The following MCPH1 variants were observed in gnomAD, a reference collection of about 807,000 sequenced individuals.
The protein encoded by MCPH1 is microcephalin.
Under a neutral mutation model 84.5 loss-of-function variants are expected in MCPH1, and 104 were observed. The ratio of observed to expected loss-of-function variants is 1.23; its 90% CI spans 1.05 to 1.45. The LOEUF (loss-of-function observed/expected upper bound fraction) is 1.45, where lower values mean the gene tolerates loss of function less well. Among genes scored for constraint, MCPH1 ranks in the 40% most tolerant of loss-of-function variants. MCPH1 has a pLI of 0.00. For missense variants in MCPH1, 1,498 were observed against 1,005.7 expected (o/e 1.49, Z -6.62); for synonymous variants, 514 against 366.8 (o/e 1.40, Z -4.58).
At chr8:6,467,269 C>A (rs1162366890) in intron 9 of MCPH1, among the ~76,000 whole-genome samples, 3 of 152,118 alleles carry the variant, frequency 2.0e-5, no homozygotes, top group African/African-American at 7.2e-5. Flanking sequence ...TGGTATGAAG[C>A]GCTTCTTATT....
chr8:6,523,029 G>A (rs190512970), intron 12 of MCPH1, among the ~76,000 whole-genome samples: 15 of 150,894 alleles, frequency 9.9e-5, no homozygotes, highest in South Asian at 2.1e-4. Context: ...ATGGAGTCTC[G>A]CTCTGTCACC....
intron 12 of MCPH1, among the ~76,000 whole-genome samples, chr8:6,539,699 G>A (rs1023510054): frequency 6.6e-6 from 1 of 152,104 alleles, no homozygotes; most frequent in Non-Finnish European, 1.5e-5. Context: ...CGATTCTCCC[G>A]CCTCAGCTTC....
chr8:6,567,300 G>A (rs958224342), intron 12 of MCPH1, among the ~76,000 whole-genome samples: 11 of 54,474 alleles, frequency 2.0e-4, no homozygotes, highest in Non-Finnish European at 5.9e-4. Context: ...AGTGTACACG[G>A]TGCGATGACC....
At chr8:6,436,232 T>C (rs1260839081) in intron 5 of MCPH1, 70 bp downstream of exon 5, 6 of 1,497,988 alleles carry the variant, frequency 4.0e-6, no homozygotes, top group Non-Finnish European at 5.5e-6. Flanking sequence ...GCATGATGAC[T>C]AGTGGGGTTC....
At chr8:6,453,892 G>C (rs944857262) in intron 8 of MCPH1, among the ~76,000 whole-genome samples, 5 of 152,142 alleles carry the variant, frequency 3.3e-5, no homozygotes, top group African/African-American at 1.2e-4. Flanking sequence ...ATGGCAAAGA[G>C]TGTAGGTTGG....
At chr8:6,544,490 A>T (rs746609589) in intron 12 of MCPH1, among the ~76,000 whole-genome samples, 5 of 152,200 alleles carry the variant, frequency 3.3e-5, no homozygotes, top group Non-Finnish European at 5.9e-5. Context: ...TGTTACGTCA[A>T]ACTGTTTTTT....
intron 12 of MCPH1, among the ~76,000 whole-genome samples, chr8:6,539,918 T>G (rs996966103): frequency 1.5e-4 from 23 of 152,240 alleles, no homozygotes; most frequent in Admixed American, 8.5e-4. Flanking sequence ...TATCTGATAC[T>G]GTATCTAGAT....
At chr8:6,478,788 T>A (rs531088518) in intron 10 of MCPH1, among the ~76,000 whole-genome samples, 28 of 152,192 alleles carry the variant, frequency 1.8e-4, no homozygotes, top group Non-Finnish European at 3.5e-4. Context: ...CAAGTTTAAT[T>A]ATTTTTCTTG....
chr8:6,520,414 C>A (rs796598905), intron 12 of MCPH1, among the ~76,000 whole-genome samples: 2 of 152,204 alleles, frequency 1.3e-5, no homozygotes, highest in South Asian at 4.2e-4. Context: ...TTGCCTGCCC[C>A]TTCAGGCCAT....
chr8:6,541,080 C>T (rs927424019), intron 12 of MCPH1, among the ~76,000 whole-genome samples: 14 of 152,212 alleles, frequency 9.2e-5, no homozygotes, highest in Admixed American at 3.3e-4. Flanking sequence ...GCCAACGTCC[C>T]TAGGCATGGC....
chr8:6,491,539 T>C (rs1366304296), intron 11 of MCPH1, among the ~76,000 whole-genome samples: 2 of 151,938 alleles, frequency 1.3e-5, no homozygotes, highest in African/African-American at 4.8e-5. Context: ...GTTTGTTACA[T>C]ATGTATGCAT....
chr8:6,594,626 CCTTTTTTCTGG>C, intron 12 of MCPH1, among the ~76,000 whole-genome samples: 1 of 152,056 alleles, frequency 6.6e-6, no homozygotes. Context: ...TGCCAACTGG[CCTTTTTTCTGG>C]AGAAGAAAGT....
At chr8:6,513,880 T>C in intron 12 of MCPH1, 5 of 1,564,228 alleles carry the variant, frequency 3.2e-6, no homozygotes, top group Non-Finnish European at 4.3e-6. Context: ...TTATTTCATG[T>C]AATTTTTTCT....
rs190512970 is a variant in MCPH1 at position 6,523,029 on chromosome 8, G to C, written c.2214+23100G>C. Among the ~76,000 whole-genome samples the C allele has an allele frequency of 2.9e-3, 432 of 151,008 alleles. 1 individual carries two copies. The highest frequency in any genetic ancestry group is 0.021 in the Middle Eastern group (6 of 292). On this transcript the variant is annotated intron_variant, in intron 12 of 13. Transcript: ENST00000344683. ...TTTTCTTTTTTTGAGATGGAGTCTC[G>C]CTCTGTCACCCAGACTGGAGTGCAA...
chr8:6,552,696 C>T (rs2129575019), intron 12 of MCPH1, among the ~76,000 whole-genome samples: 1 of 152,128 alleles, frequency 6.6e-6, no homozygotes, highest in East Asian at 1.9e-4. Context: ...CATAATAACC[C>T]TACAAGTTCA....
intron 12 of MCPH1, among the ~76,000 whole-genome samples, chr8:6,599,735 G>A (rs1405390704): frequency 6.6e-6 from 1 of 152,046 alleles, no homozygotes; most frequent in Non-Finnish European, 1.5e-5. Flanking sequence ...TTGTTTTTTT[G>A]AAAGTAGTGA....
At chr8:6,555,476 T>C (rs979719800) in intron 12 of MCPH1, among the ~76,000 whole-genome samples, 9 of 151,788 alleles carry the variant, frequency 5.9e-5, no homozygotes, top group Middle Eastern at 3.2e-3. Context: ...TTTTTTTTTT[T>C]TTGGAGACAG....
At chr8:6,435,924 C>T in intron 4 of MCPH1, 124 bp from the exon 5 acceptor site, 1 of 1,159,308 alleles carries the variant, frequency 8.6e-7, no homozygotes, top group Non-Finnish European at 1.2e-6. Context: ...GTGCAAGAAA[C>T]ACCTCTTTTA....
In MCPH1 at chr8:6,466,546, A is replaced by T. The variant is rs567823917; in HGVS notation, c.1936-11048A>T. ...ATGGTCTCACTCTCCTGACCTCGTG[A>T]TCCGCCCGCCTTGGTCTCCCAAAGT... is the stretch of plus-strand genomic sequence containing the variant. On this transcript the variant is annotated intron_variant, in intron 9 of 13. Transcript: ENST00000344683. Among the ~76,000 whole-genome samples, 68 of 152,126 alleles carry T rather than the reference A, an allele frequency of 4.5e-4. 3 individuals carry two copies. The highest frequency in any genetic ancestry group is 1.6e-3 in the African/African-American group (68 of 41,502).
Sources: gnomAD v4.1 joint callset for allele counts (sites outside exome capture counted in the v4.1 genomes callset) on GRCh38, gnomAD v4.1.1 for gene constraint, MANE v1.5 for transcripts, NCBI Gene and HGNC (gene_info 2026-07-23, HGNC 2026-07-21) for gene names.